The following RBPJL variants were observed in gnomAD, a reference collection of about 807,000 sequenced individuals.
The protein encoded by RBPJL is recombination signal binding protein for immunoglobulin kappa J region like, also known as recombining binding protein suppressor of hairless-like protein.
RBPJL carries 50 observed loss-of-function variants against 57.6 expected under a neutral mutation model. The ratio of observed to expected loss-of-function variants is 0.87; its 90% CI spans 0.69 to 1.10. RBPJL has a LOEUF of 1.10. Among genes scored for constraint, RBPJL ranks in the 50% least tolerant of loss-of-function variants. The probability of loss-of-function intolerance (pLI) is 0.00; values close to 1 mark genes in which losing one functional copy is unlikely to be tolerated. For missense variants in RBPJL, 684 were observed against 693.7 expected, an observed-to-expected ratio of 0.99 and a Z score of 0.16; for synonymous variants, 303 against 294.4, an observed-to-expected ratio of 1.03 and a Z score of -0.30.
intron 9 of RBPJL, 32 bp downstream of exon 9, chr20:45,314,597 C>A (rs751416681): frequency 1.3e-6 from 2 of 1,598,088 alleles, no homozygotes; most frequent in Non-Finnish European, 1.7e-6. Context: ...CACCAAGTGT[C>A]CTGGAAAGGG....
At position 45,313,491 on chromosome 20, in the gene RBPJL, GT is replaced by G; in HGVS notation, c.644del (p.Val215AlafsTer75). The G allele has an allele frequency of 6.2e-7, 1 of 1,613,350 alleles. No homozygotes were observed. The highest frequency in any genetic ancestry group is 1.1e-5 in the South Asian group (1 of 90,918). On this transcript the variant is annotated frameshift_variant, in exon 7 of 12. Transcript: ENST00000343694. LOFTEE classifies it high-confidence loss of function. ...TDLCISSGSK[V>X]SLFNRLRSQT... ...AGTGTGCATATCCTCCGGCTCAAAG[GT>G]CTCCCTCTTCAACCGCCTGCGCTCT...
intron 6 of RBPJL, among the ~76,000 whole-genome samples, 163 bp downstream of exon 6, chr20:45,312,558 G>A (rs1052922713): frequency 3.3e-5 from 5 of 152,120 alleles, no homozygotes; most frequent in Admixed American, 6.6e-5. Flanking sequence ...GAGTGGGTGC[G>A]GCCCAGGCCT....
intron 3 of RBPJL, 64 bp downstream of exon 3, chr20:45,309,756 C>T (rs1380323501): frequency 6.3e-7 from 1 of 1,596,170 alleles, no homozygotes; most frequent in African/African-American, 1.3e-5. Flanking sequence ...CTCCTCCATC[C>T]ACCCATTGGG....
At chr20:45,309,537 G>A (rs1987029387) in intron 2 of RBPJL, 30 bp from the exon 3 acceptor site, 1 of 1,589,930 alleles carries the variant, frequency 6.3e-7, no homozygotes, top group African/African-American at 1.4e-5. Flanking sequence ...TCCCTCCTGT[G>A]GCTGGTCGAC....
At position 45,314,146 on chromosome 20, in the gene RBPJL, T is replaced by C. The variant is rs1378711033; in HGVS notation, c.867+2T>C. On this transcript the variant is annotated splice_donor_variant, in intron 8 of 11. Coordinates refer to ENST00000343694, the MANE Select transcript of RBPJL (RefSeq NM_014276.4). LOFTEE classifies it high-confidence loss of function. ...ACCGGCATCACACTACCTCCCATGG[T>C]ATAGGAAGGGAGGGCATGCCTGGAG... is the stretch of plus-strand genomic sequence containing the variant. 4 of 1,610,418 alleles carry C rather than the reference T, an allele frequency of 2.5e-6. No homozygotes were observed. The highest frequency in any genetic ancestry group is 1.1e-5 in the South Asian group (1 of 91,004).
At chr20:45,314,658 T>TGCTCAGGAAGTAGCA in intron 9 of RBPJL, 93 bp downstream of exon 9, 1 of 1,284,210 alleles carries the variant, frequency 7.8e-7, no homozygotes, top group Non-Finnish European at 1.1e-6. Flanking sequence ...CCATGGTTGC[T>TGCTCAGGAAGTAGCA]ACTTCCTGAG....
rs1568897064 is a variant in RBPJL at position 45,316,760 on chromosome 20, C to G, written c.1355C>G (p.Pro452Arg). Residue 452 changes from proline (P) to arginine (R), a missense_variant, in exon 12 of 12, where the codon CCC (proline) becomes CGC (arginine). Transcript: ENST00000343694. Reference protein sequence around the residue: ...FCSDWRWLRAPITIPMSLVRA... With the variant: ...FCSDWRWLRARITIPMSLVRA... ...AGCGACTGGCGCTGGCTGCGCGCTC[C>G]CATCACAATCCCCATGAGCCTGGTG... 1 of 1,613,806 alleles carries G rather than the reference C, an allele frequency of 6.2e-7. No individual in the cohort carries two copies. Among genetic ancestry groups the G allele is most frequent in the East Asian group, 2.2e-5 (1 of 44,844 alleles).
In RBPJL at chr20:45,316,203, A is replaced by T; in HGVS notation, c.1037A>T (p.Lys346Met). 6.2e-7 allele frequency: 1 copy of T among 1,614,042 alleles called. No homozygotes were observed. Among genetic ancestry groups the T allele is most frequent in the Non-Finnish European group, 8.5e-7 (1 of 1,179,898 alleles). The change falls in exon 10 of 12, where the codon AAG (lysine) becomes ATG (methionine). Residue 346 changes from lysine to methionine, a missense_variant. Coordinates refer to ENST00000343694, the MANE Select transcript of RBPJL (RefSeq NM_014276.4). ...TCCTCCCAGGCCTCTCCCTGCCCCA[A>T]GGAGGCGAACAGGGCTCTGCTTAAC... ...VVQFQASPCP[K>M]EANRALLNDS...
At chr20:45,308,309 A>C (rs887504916) in intron 2 of RBPJL, 58 bp downstream of exon 2, 2 of 1,182,272 alleles carry the variant, frequency 1.7e-6, no homozygotes, top group Admixed American at 3.4e-5. Flanking sequence ...TGGAGCACAC[A>C]GAGGCAACGG....
chr20:45,309,692 G>C lies in RBPJL; in HGVS notation c.257G>C (p.Arg86Pro). Residue 86 changes from arginine to proline, a missense_variant and splice_region_variant, in exon 3 of 12, where the codon CGG becomes CCG. Transcript: ENST00000343694. ...CAGAAATCATACGGAAATGAGAAGC[G>C]GTAGGTGCCTCCGCAGCCCCTCCCA... ...VAQKSYGNEK[R>P]FFCPPPCVYL... The C allele has an allele frequency of 6.2e-7, 1 of 1,613,390 alleles. No homozygotes were observed. Among genetic ancestry groups the C allele is most frequent in the Non-Finnish European group, 8.5e-7 (1 of 1,179,694 alleles).
Position 45,311,869 on chromosome 20 carries a change from T to TAC in RBPJL, c.359_360insAC (p.Cys121ProfsTer20), listed in dbSNP as rs1987190567. 3 of 1,551,466 alleles carry TAC rather than the reference T, an allele frequency of 1.9e-6. No homozygotes were observed. The highest frequency in any genetic ancestry group is 2.6e-6 in the Non-Finnish European group (3 of 1,147,042). On this transcript the variant is annotated frameshift_variant, in exon 5 of 12. Transcript: ENST00000343694. LOFTEE classifies it high-confidence loss of function. ...CAGGCGGGGGAAACGGGGCCCACGG[T>TAC]CTGCGGTTACATGGGACTGGACAGC...
chr20:45,308,339 G>T, intron 2 of RBPJL, 88 bp downstream of exon 2: 1 of 883,186 alleles, frequency 1.1e-6, no homozygotes, highest in Non-Finnish European at 1.9e-6. Context: ...ACCCAGGGCT[G>T]GCGGGTGGGG....
intron 9 of RBPJL, 89 bp from the exon 10 acceptor site, chr20:45,316,098 T>C: frequency 7.5e-7 from 1 of 1,333,144 alleles, no homozygotes; most frequent in South Asian, 1.3e-5. Context: ...CAGTTCGGTC[T>C]AACGCAGAAG....
intron 1 of RBPJL, among the ~76,000 whole-genome samples, chr20:45,307,426 G>A (rs552907101): frequency 6.6e-6 from 1 of 152,246 alleles, no homozygotes; most frequent in South Asian, 2.1e-4. Context: ...GTGGGAGGGT[G>A]ACCAAGCAAG....
chr20:45,310,615 A>G (rs1987120129), intron 3 of RBPJL, among the ~76,000 whole-genome samples: 1 of 152,050 alleles, frequency 6.6e-6, no homozygotes, highest in Non-Finnish European at 1.5e-5. Flanking sequence ...CAAAAAAAAA[A>G]AGGGCAACAG....
chr20:45,313,926 G>A (rs1214646922), intron 7 of RBPJL, 109 bp from the exon 8 acceptor site: 25 of 814,170 alleles, frequency 3.1e-5, no homozygotes, highest in South Asian at 6.3e-5. Context: ...AAGCTTTCCC[G>A]CAGGGCCCAT....
Position 45,316,748 on chromosome 20 carries a change from G to C in RBPJL, c.1343G>C (p.Trp448Ser). Residue 448 changes from tryptophan to serine, a missense_variant, in exon 12 of 12, where the codon TGG (tryptophan) becomes TCG (serine). Physicochemically the swap from Trp to Ser is radical, Grantham distance 177. Transcript: ENST00000343694. ...GCGGCCTTCTGCAGCGACTGGCGCT[G>C]GCTGCGCGCTCCCATCACAATCCCC... ...DVAAFCSDWR[W>S]LRAPITIPMS... is the part of the protein sequence containing the mutation. The C allele has an allele frequency of 6.2e-7, 1 of 1,613,552 alleles. No individual in the cohort carries two copies. The highest frequency in any genetic ancestry group is 8.5e-7 in the Non-Finnish European group (1 of 1,179,742).
chr20:45,316,902 G>C lies in RBPJL; in HGVS notation c.1497G>C (p.Leu499=), dbSNP rs777668219. 2.5e-6 allele frequency: 4 copies of C among 1,613,608 alleles called. No homozygotes were observed. Among genetic ancestry groups the C allele is most frequent in the Middle Eastern group, 1.7e-4 (1 of 6,060 alleles). The change falls in exon 12 of 12, where the codon CTG becomes CTC. Residue 499 remains leucine, a synonymous_variant. Transcript: ENST00000343694. ...PEPATDADAL[L]ESIHQEFTRT... ...CCGCCACCGACGCCGACGCGCTCCTGGAGAGCATCCATCAGGAGTTCACGC... is the reference window on the plus strand; with the variant it reads ...CCGCCACCGACGCCGACGCGCTCCTCGAGAGCATCCATCAGGAGTTCACGC...
At position 45,314,033 on chromosome 20, in the gene RBPJL, A is replaced by G. The variant is rs749142228; in HGVS notation, c.758-2A>G. 10 of 1,611,138 alleles carry G rather than the reference A, an allele frequency of 6.2e-6. No homozygotes were observed. Among genetic ancestry groups the G allele is most frequent in the Non-Finnish European group, 7.6e-6 (9 of 1,177,760 alleles). ...TTGTCCCTTGCTTTTTTTGTCCCCC[A>G]GCTGATGGGCACTCTGCCCAAGGAG... On this transcript the variant is annotated splice_acceptor_variant, in intron 7 of 11. Coordinates refer to ENST00000343694, the MANE Select transcript of RBPJL (RefSeq NM_014276.4). LOFTEE classifies it high-confidence loss of function.
Sources: allele counts gnomAD v4.1 joint callset (sites outside exome capture counted in the v4.1 genomes callset), GRCh38; gene constraint gnomAD v4.1.1; transcripts MANE v1.5; gene names NCBI Gene and HGNC (gene_info 2026-07-23, HGNC 2026-07-21).